The following HS3ST5 variants were observed in gnomAD, a reference collection of about 807,000 sequenced individuals.
HS3ST5 encodes heparan sulfate glucosamine 3-O-sulfotransferase 5.
HS3ST5 carries 10 observed loss-of-function variants against 25.4 expected under a neutral mutation model. The ratio of observed to expected loss-of-function variants is 0.39; its 90% CI spans 0.24 to 0.67. HS3ST5 has a LOEUF of 0.67. HS3ST5 is among the 30% of genes least tolerant of loss of function. The pLI, the probability that HS3ST5 is intolerant of heterozygous loss-of-function variation, is 0.44. For missense variants in HS3ST5, 324 were observed against 420.7 expected (o/e 0.77, Z 2.01); for synonymous variants, 170 against 162.4 (o/e 1.05, Z -0.36).
At chr6:114,222,636 T>C (rs187414265) in intron 2 of HS3ST5, among the ~76,000 whole-genome samples, 16 of 151,952 alleles carry the variant, frequency 1.1e-4, no homozygotes, top group African/African-American at 3.4e-4. Flanking sequence ...GTGGTTGCTA[T>C]GGCACAGTGT....
At chr6:114,124,812 C>A (rs1196604179) in intron 3 of HS3ST5, among the ~76,000 whole-genome samples, 1 of 152,078 alleles carries the variant, frequency 6.6e-6, no homozygotes, top group Non-Finnish European at 1.5e-5. Context: ...TTCAGGTTTA[C>A]ATTGTTTTGG....
chr6:114,060,914 C>G (rs1466614130), intron 4 of HS3ST5, among the ~76,000 whole-genome samples: 2 of 152,076 alleles, frequency 1.3e-5, no homozygotes, highest in African/African-American at 4.8e-5. Context: ...GGGTCCCAGA[C>G]TGAAAAATCA....
At chr6:114,257,049 C>A (rs1481846455) in intron 1 of HS3ST5, among the ~76,000 whole-genome samples, 2 of 152,154 alleles carry the variant, frequency 1.3e-5, no homozygotes, top group African/African-American at 4.8e-5. Context: ...ACCATCAGAT[C>A]TCATGAGACT....
chr6:114,180,592 G>A lies in HS3ST5; in HGVS notation c.-144-12130C>T, dbSNP rs138820857. Among the ~76,000 whole-genome samples, 122 of 152,244 alleles carry A rather than the reference G, an allele frequency of 8.0e-4. 1 individual carries two copies. Among genetic ancestry groups the A allele is most frequent in the Middle Eastern group, 3.4e-3 (1 of 294 alleles). ...GTTTTGGGACTTGGACTGAGCCACT[G>A]CTGGCTTCCCGGCTTCTCAGCCTGC... On this transcript the variant is annotated intron_variant, in intron 2 of 4. Transcript: ENST00000312719.
intron 1 of HS3ST5, among the ~76,000 whole-genome samples, chr6:114,292,011 T>C (rs2114777506): frequency 6.6e-6 from 1 of 152,214 alleles, no homozygotes. Context: ...GCTAATATGG[T>C]TTATAGCAAG....
chr6:114,336,227 G>A (rs1174869430), intron 1 of HS3ST5, among the ~76,000 whole-genome samples: 1 of 152,168 alleles, frequency 6.6e-6, no homozygotes. Flanking sequence ...TTTTTACTAT[G>A]TATGACACTC....
intron 1 of HS3ST5, among the ~76,000 whole-genome samples, chr6:114,328,277 G>A (rs554243019): frequency 9.6e-4 from 145 of 150,942 alleles, no homozygotes; most frequent in African/African-American, 3.5e-3. Flanking sequence ...AAGGAAGGAA[G>A]GGTAGCGATA....
At chr6:114,080,601 G>T (rs780808232) in intron 3 of HS3ST5, among the ~76,000 whole-genome samples, 1 of 152,214 alleles carries the variant, frequency 6.6e-6, no homozygotes, top group African/African-American at 2.4e-5. Flanking sequence ...ATAGTATGCA[G>T]CCATAAAAAA....
At position 114,150,008 on chromosome 6, in the gene HS3ST5, G is replaced by C. The variant is rs528900650; in HGVS notation, c.-33+18343C>G. 2.0e-5 allele frequency among the ~76,000 whole-genome samples: 3 copies of C among 152,302 alleles called. No homozygotes were observed. In the East Asian group the frequency reaches 5.8e-4, roughly 29 times the overall value. On this transcript the variant is annotated intron_variant, in intron 3 of 4. Transcript: ENST00000312719. ...CCAAAAGATAAGTGAGGCTATTCAT[G>C]TTAGGAGGATGCTCTGGTACTTTTG...
In HS3ST5 at chr6:114,057,493, C is replaced by CG; in HGVS notation, c.804dup (p.Val269ArgfsTer30). ...GGAGGCAGATTTAGGAACTTCTCCA[C>CG]GAGCTGAAGTTCTGGCAGAGGTTCC... On this transcript the variant is annotated frameshift_variant, in exon 5 of 5. Transcript: ENST00000312719. LOFTEE classifies it high-confidence loss of function. The CG allele has an allele frequency of 6.2e-7, 1 of 1,614,114 alleles. No homozygotes were observed. The highest frequency in any genetic ancestry group is 8.5e-7 in the Non-Finnish European group (1 of 1,179,994).
chr6:114,334,503 C>T (rs1220464549), intron 1 of HS3ST5, among the ~76,000 whole-genome samples: 1 of 152,178 alleles, frequency 6.6e-6, no homozygotes, highest in Non-Finnish European at 1.5e-5. Context: ...ATCGTTTCGG[C>T]CAATGACACA....
At chr6:114,107,634 A>C (rs1036513334) in intron 3 of HS3ST5, among the ~76,000 whole-genome samples, 2 of 152,208 alleles carry the variant, frequency 1.3e-5, no homozygotes, top group Non-Finnish European at 2.9e-5. Context: ...GGAATTTATA[A>C]AAATGCTACT....
At chr6:114,126,619 G>A (rs1327633212) in intron 3 of HS3ST5, among the ~76,000 whole-genome samples, 1 of 152,188 alleles carries the variant, frequency 6.6e-6, no homozygotes, top group East Asian at 1.9e-4. Context: ...TGTAAGAGCA[G>A]GTTCAATAAG....
At chr6:114,247,316 G>T (rs1772427199) in intron 1 of HS3ST5, among the ~76,000 whole-genome samples, 1 of 152,158 alleles carries the variant, frequency 6.6e-6, no homozygotes, top group South Asian at 2.1e-4. Flanking sequence ...CTCAAGCAAT[G>T]AAAGAGTTAA....
intron 1 of HS3ST5, among the ~76,000 whole-genome samples, chr6:114,229,141 C>T (rs1771453024): frequency 6.6e-6 from 1 of 152,108 alleles, no homozygotes; most frequent in Non-Finnish European, 1.5e-5. Flanking sequence ...TCTATCACCC[C>T]CGTAAAAGAT....
chr6:114,066,671 T>C (rs1398432402), intron 3 of HS3ST5, among the ~76,000 whole-genome samples: 4 of 151,980 alleles, frequency 2.6e-5, no homozygotes, highest in Admixed American at 6.6e-5. Context: ...ACAAAAAAAT[T>C]AGAATAAAGT....
intron 4 of HS3ST5, chr6:114,059,026 G>A (rs1772942202): frequency 6.6e-6 from 1 of 152,164 alleles, no homozygotes; most frequent in African/African-American, 2.4e-5. Flanking sequence ...TAAGGAAGGA[G>A]TGCAATGGAT....
intron 3 of HS3ST5, among the ~76,000 whole-genome samples, chr6:114,095,283 T>C (rs1582594667): frequency 6.6e-6 from 1 of 152,218 alleles, no homozygotes; most frequent in South Asian, 2.1e-4. Context: ...ATTCTGGCCT[T>C]CTTCCTGTCC....
intron 1 of HS3ST5, among the ~76,000 whole-genome samples, chr6:114,274,347 A>C (rs1773759578): frequency 1.3e-5 from 2 of 152,076 alleles, no homozygotes; most frequent in South Asian, 4.1e-4. Context: ...TCTGGGCAGC[A>C]CTAAGGATCC....
Sources: gnomAD v4.1 joint callset for allele counts (sites outside exome capture counted in the v4.1 genomes callset) on GRCh38, gnomAD v4.1.1 for gene constraint, MANE v1.5 for transcripts, NCBI Gene and HGNC (gene_info 2026-07-23, HGNC 2026-07-21) for gene names.